Variants in KLF8 observed in about 807,000 individuals in gnomAD.
The protein encoded by KLF8 is Krueppel-like factor 8.
Under a neutral mutation model 18.2 loss-of-function variants are expected in KLF8, and 10 were observed. That is an observed-to-expected ratio of 0.55 (90% CI 0.34 to 0.93). KLF8 has a LOEUF of 0.93. KLF8 is among the 40% of genes least tolerant of loss of function. The pLI is 0.02. For synonymous variants in KLF8, 109 were observed against 97.3 expected (o/e 1.12, Z -0.71); for missense variants, 264 against 277.9 (o/e 0.95, Z 0.36).
chrX:56,104,580 T>A, the KLF8 span, among the ~76,000 whole-genome samples: 1 of 111,815 alleles, frequency 8.9e-6, no homozygotes, highest in Non-Finnish European at 1.9e-5. Flanking sequence ...ATCATTTTGA[T>A]TGCATCTATT....
chrX:55,989,957 C>T, the KLF8 span, among the ~76,000 whole-genome samples: 1 of 111,482 alleles, frequency 9.0e-6, no homozygotes, highest in Non-Finnish European at 1.9e-5. Context: ...AAGGAATTTA[C>T]CCATTTCTTC....
At chrX:56,191,664 T>A in the KLF8 span, among the ~76,000 whole-genome samples, 7 of 111,828 alleles carry the variant, frequency 6.3e-5, no homozygotes, top group Admixed American at 3.8e-4. Context: ...ATTAATCAAT[T>A]TGATGCATCG....
chrX:56,247,413 A>G (rs1194709820), intron 1 of KLF8, among the ~76,000 whole-genome samples: 1 of 111,768 alleles, frequency 8.9e-6, no homozygotes, highest in African/African-American at 3.2e-5. Flanking sequence ...ACATTACTGT[A>G]CCTTACTTTA....
the KLF8 span, among the ~76,000 whole-genome samples, chrX:56,086,672 A>C: frequency 9.0e-6 from 1 of 110,991 alleles, no homozygotes; most frequent in Non-Finnish European, 1.9e-5. Flanking sequence ...TCTTGTGATA[A>C]TGATAATTAT....
At chrX:56,256,977 A>G (rs1198955075) in intron 2 of KLF8, among the ~76,000 whole-genome samples, 1 of 112,327 alleles carries the variant, frequency 8.9e-6, no homozygotes, top group Non-Finnish European at 1.9e-5. Context: ...TGCTGGGATT[A>G]CAGGCGTGAG....
At chrX:56,099,653 A>C in the KLF8 span, among the ~76,000 whole-genome samples, 24 of 111,948 alleles carry the variant, frequency 2.1e-4, no homozygotes, top group Non-Finnish European at 3.0e-4. Flanking sequence ...CACCAACACG[A>C]ATGCAAAACA....
intron 1 of KLF8, among the ~76,000 whole-genome samples, chrX:56,247,499 T>C (rs2066638208): frequency 8.9e-6 from 1 of 112,354 alleles, no homozygotes; most frequent in African/African-American, 3.2e-5. Flanking sequence ...CTTAGCTTAC[T>C]ATAACTTTTT....
chrX:56,119,689 C>T, the KLF8 span, among the ~76,000 whole-genome samples: 16 of 109,636 alleles, frequency 1.5e-4, no homozygotes, highest in South Asian at 1.2e-3. Flanking sequence ...TGTGAGCCAC[C>T]GCGCCTGGCC....
the KLF8 span, among the ~76,000 whole-genome samples, chrX:55,923,732 GTGTGTGTGTGTGTA>G: frequency 5.5e-4 from 36 of 64,901 alleles, no homozygotes; most frequent in South Asian, 6.3e-3. Flanking sequence ...GTGTGTGTGT[GTGTGTGTGTGTGTA>G]TATCTGTATA....
At chrX:55,916,321 G>A in the KLF8 span, among the ~76,000 whole-genome samples, 2 of 111,509 alleles carry the variant, frequency 1.8e-5, no homozygotes, top group African/African-American at 3.3e-5. Flanking sequence ...TTCACTGCCC[G>A]TAGCCCTGGC....
chrX:55,984,855 C>T, the KLF8 span, among the ~76,000 whole-genome samples: 1 of 111,039 alleles, frequency 9.0e-6, no homozygotes, highest in East Asian at 2.8e-4. Context: ...TTCTCATTTG[C>T]ATTTCTCTAA....
the KLF8 span, among the ~76,000 whole-genome samples, chrX:55,993,060 T>C: frequency 9.0e-6 from 1 of 111,430 alleles, no homozygotes; most frequent in Non-Finnish European, 1.9e-5. Context: ...GTAGTTTGCC[T>C]TCCTCTCTTC....
chrX:56,150,626 T>C, the KLF8 span, among the ~76,000 whole-genome samples: 2 of 110,984 alleles, frequency 1.8e-5, no homozygotes, highest in Admixed American at 9.7e-5. Flanking sequence ...TCTTGGCCTG[T>C]AGTTCCTCAA....
At chrX:56,119,691 C>T in the KLF8 span, among the ~76,000 whole-genome samples, 2 of 109,513 alleles carry the variant, frequency 1.8e-5, no homozygotes, top group Non-Finnish European at 3.8e-5. Flanking sequence ...TGAGCCACCG[C>T]GCCTGGCCTA....
the KLF8 span, among the ~76,000 whole-genome samples, chrX:55,995,790 C>T: frequency 9.0e-6 from 1 of 111,229 alleles, no homozygotes; most frequent in African/African-American, 3.3e-5. Flanking sequence ...CTTCTCTCTT[C>T]TCTCTAGCTG....
the KLF8 span, among the ~76,000 whole-genome samples, chrX:56,103,886 A>T: frequency 2.7e-3 from 297 of 111,143 alleles, 1 homozygote; most frequent in African/African-American, 9.4e-3. Context: ...GATACGTCCC[A>T]TCAATACCTA....
intron 1 of KLF8, among the ~76,000 whole-genome samples, chrX:56,236,494 G>T (rs996501432): frequency 9.0e-6 from 1 of 110,919 alleles, no homozygotes; most frequent in Admixed American, 9.7e-5. Context: ...GCCAATGGCT[G>T]TTGTATTTTT....
the KLF8 span, among the ~76,000 whole-genome samples, chrX:55,944,504 T>G: frequency 9.0e-6 from 1 of 111,427 alleles, no homozygotes; most frequent in South Asian, 3.8e-4. Context: ...TGCCACAATT[T>G]CAGAGCCTGT....
the KLF8 span, among the ~76,000 whole-genome samples, chrX:56,041,820 G>C: frequency 9.0e-6 from 1 of 111,290 alleles, no homozygotes; most frequent in Non-Finnish European, 1.9e-5. Context: ...CTCCCGAATA[G>C]CTGGGACTAC....
Sources: gnomAD v4.1 joint callset for allele counts (sites outside exome capture counted in the v4.1 genomes callset) on GRCh38, gnomAD v4.1.1 for gene constraint, MANE v1.5 for transcripts, NCBI Gene and HGNC (gene_info 2026-07-23, HGNC 2026-07-21) for gene names.